Variants in PDE1A observed in about 807,000 individuals in gnomAD.
PDE1A encodes phosphodiesterase 1A.
PDE1A carries 35 observed loss-of-function variants against 61.7 expected under a neutral mutation model. That is an observed-to-expected ratio of 0.57 (90% CI 0.43 to 0.75). The LOEUF is 0.75. Ranked by LOEUF, PDE1A falls within the 30% of genes least tolerant of loss-of-function variation. The pLI is 0.00. For missense variants in PDE1A, 597 were observed against 630.6 expected, an observed-to-expected ratio of 0.95 and a Z score of 0.57; for synonymous variants, 232 against 213.2, an observed-to-expected ratio of 1.09 and a Z score of -0.77.
At chr2:182,169,985 CA>C (rs1692040372) in intron 13 of PDE1A, among the ~76,000 whole-genome samples, 1 of 151,584 alleles carries the variant, frequency 6.6e-6, no homozygotes, top group South Asian at 2.1e-4. Flanking sequence ...CACACACACA[CA>C]CTCACACACA....
chr2:182,447,272 T>A lies in PDE1A; in HGVS notation c.101+75004A>T, dbSNP rs538288213. ...ATGTCCTAATATCTCATGTCATCTA[T>A]GAGCAATCATTTCCAAGCAGATGAA... On this transcript the variant is annotated intron_variant, in intron 2 of 14. Transcript: ENST00000410103. Among the ~76,000 whole-genome samples the A allele has an allele frequency of 3.3e-5, 5 of 152,136 alleles. No individual in the cohort carries two copies. The South Asian group carries it at 1.0e-3, about 32-fold the overall frequency.
At chr2:182,441,562 G>C (rs1046150287) in intron 2 of PDE1A, among the ~76,000 whole-genome samples, 1 of 151,896 alleles carries the variant, frequency 6.6e-6, no homozygotes, top group Non-Finnish European at 1.5e-5. Context: ...TCCAGTGAGA[G>C]GAGCAAGAAA....
At chr2:182,319,214 A>C (rs1696547725) in intron 1 of PDE1A, among the ~76,000 whole-genome samples, 1 of 152,182 alleles carries the variant, frequency 6.6e-6, no homozygotes, top group South Asian at 2.1e-4. Context: ...AATTATACAG[A>C]GTTAGGAGAA....
chr2:182,285,763 A>C (rs1258967912), intron 1 of PDE1A, among the ~76,000 whole-genome samples: 1 of 152,094 alleles, frequency 6.6e-6, no homozygotes, highest in Non-Finnish European at 1.5e-5. Flanking sequence ...ACAGTGAGGA[A>C]ACACATGGAG....
chr2:182,322,316 C>T (rs556348889), intron 1 of PDE1A, among the ~76,000 whole-genome samples: 6 of 152,208 alleles, frequency 3.9e-5, no homozygotes, highest in East Asian at 1.9e-4. Flanking sequence ...AATCTCATCT[C>T]GAATTGTAGC....
chr2:182,515,939 CGTGTGTGTGTGTTTCTGTGT>C (rs1690105090), intron 2 of PDE1A, among the ~76,000 whole-genome samples: 2 of 107,984 alleles, frequency 1.9e-5, no homozygotes, highest in Non-Finnish European at 4.0e-5. Flanking sequence ...AGGGATTGTG[CGTGTGTGTGTGTTTCTGTGT>C]GTGTGTGTGT....
chr2:182,493,226 G>A (rs1002783670), intron 2 of PDE1A, among the ~76,000 whole-genome samples: 45 of 90,684 alleles, frequency 5.0e-4, no homozygotes, highest in African/African-American at 1.8e-3. Flanking sequence ...GGACTTTCTC[G>A]ACTAACTTTT....
the PDE1A span, among the ~76,000 whole-genome samples, chr2:182,573,887 A>G: frequency 6.8e-6 from 1 of 146,182 alleles, no homozygotes; most frequent in Non-Finnish European, 1.5e-5. Context: ...ATATTAATAT[A>G]TATACATATG....
chr2:182,551,716 G>A, the PDE1A span, among the ~76,000 whole-genome samples: 387 of 152,282 alleles, frequency 2.5e-3, 3 homozygotes, highest in African/African-American at 8.9e-3. Context: ...ACAGAGATAA[G>A]TGGCATACTG....
At chr2:182,354,811 G>A (rs1206561699) in intron 1 of PDE1A, among the ~76,000 whole-genome samples, 3 of 152,046 alleles carry the variant, frequency 2.0e-5, no homozygotes, top group Non-Finnish European at 4.4e-5. Flanking sequence ...TTAAAAGAAC[G>A]CTGGAACCTT....
At chr2:182,453,616 T>A (rs1382614323) in intron 2 of PDE1A, among the ~76,000 whole-genome samples, 1 of 151,982 alleles carries the variant, frequency 6.6e-6, no homozygotes, top group East Asian at 1.9e-4. Flanking sequence ...GGTCAACATA[T>A]GAAAATCAAT....
rs1040288083 is a variant in PDE1A, at chr2:182,230,271, G to T, written c.535-125C>A. On this transcript the variant is annotated intron_variant, in intron 5 of 13. Coordinates refer to ENST00000351439, the Ensembl canonical transcript of PDE1A. ...GGACAGTAGTTTCTTTATGTCAAAT[G>T]TTGATTGTTCTGAAAAACCACTTCA... 46 of 683,870 alleles carry T rather than the reference G, an allele frequency of 6.7e-5. No individual in the cohort carries two copies. The South Asian group carries it at 1.0e-3, about 16-fold the overall frequency. The allele number at this position is 683,870 out of a possible 1,614,324, so 42.4% of individuals were successfully genotyped here. A position where few individuals can be genotyped will look rare whatever the true frequency, so the allele number is the denominator to read the frequency against.
intron 1 of PDE1A, among the ~76,000 whole-genome samples, chr2:182,384,326 T>C (rs1225338942): frequency 6.6e-6 from 1 of 151,998 alleles, no homozygotes; most frequent in East Asian, 1.9e-4. Flanking sequence ...AAATGAAATA[T>C]ATAAACCACC....
intron 1 of PDE1A, among the ~76,000 whole-genome samples, chr2:182,402,555 G>A (rs559273653): frequency 6.6e-6 from 1 of 152,056 alleles, no homozygotes; most frequent in South Asian, 2.1e-4. Flanking sequence ...TAAATGTAAA[G>A]CCCCAAACCA....
chr2:182,279,709 A>C (rs1211681067), intron 1 of PDE1A, among the ~76,000 whole-genome samples: 1 of 151,968 alleles, frequency 6.6e-6, no homozygotes, highest in African/African-American at 2.4e-5. Flanking sequence ...AAATACATAT[A>C]GTTTTATAAT....
chr2:182,238,224 G>A (rs865910201), intron 3 of PDE1A, among the ~76,000 whole-genome samples: 36 of 138,144 alleles, frequency 2.6e-4, no homozygotes, highest in Middle Eastern at 7.9e-3. Context: ...AGCCGAGATC[G>A]CGCCACTGCA....
At chr2:182,367,566 G>A (rs1195622720) in intron 1 of PDE1A, among the ~76,000 whole-genome samples, 4 of 151,980 alleles carry the variant, frequency 2.6e-5, no homozygotes, top group Non-Finnish European at 4.4e-5. Context: ...TTACAACTTG[G>A]GTAGTTAATT....
chr2:182,497,897 T>A (rs1439133370), intron 2 of PDE1A, among the ~76,000 whole-genome samples: 1 of 150,910 alleles, frequency 6.6e-6, no homozygotes, highest in African/African-American at 2.4e-5. Context: ...ACAAAAAAAA[T>A]CAGCCGGGCG....
the PDE1A span, among the ~76,000 whole-genome samples, chr2:182,529,421 T>C: frequency 6.6e-6 from 1 of 152,184 alleles, no homozygotes; most frequent in Non-Finnish European, 1.5e-5. Flanking sequence ...CCCCATCATA[T>C]CTAGAAAGTA....
Sources: gnomAD v4.1 joint callset for allele counts (sites outside exome capture counted in the v4.1 genomes callset) on GRCh38, gnomAD v4.1.1 for gene constraint, MANE v1.5 for transcripts, NCBI Gene and HGNC (gene_info 2026-07-23, HGNC 2026-07-21) for gene names.